The following RASA3 variants were observed in gnomAD, a reference collection of about 807,000 sequenced individuals.
RASA3 encodes the protein ras GTPase-activating protein 3.
A neutral mutation model predicts 110.0 loss-of-function variants in RASA3; 73 were observed. That is an observed-to-expected ratio of 0.66 (90% CI 0.55 to 0.81). The LOEUF (loss-of-function observed/expected upper bound fraction) is 0.81. RASA3 is among the 30% of genes least tolerant of loss of function. The pLI is 0.00. For synonymous variants in RASA3, 500 were observed against 451.4 expected, an observed-to-expected ratio of 1.11 and a Z score of -1.37; for missense variants, 976 against 1,113.2, an observed-to-expected ratio of 0.88 and a Z score of 1.75.
chr13:114,123,090 G>A (rs1270868949), intron 1 of RASA3, among the ~76,000 whole-genome samples: 3 of 152,224 alleles, frequency 2.0e-5, no homozygotes, highest in Admixed American at 6.5e-5. Flanking sequence ...CCTGCTGCCG[G>A]CATGGCTTTG....
chr13:114,070,384 A>G (rs546579348), intron 2 of RASA3, among the ~76,000 whole-genome samples: 4 of 152,210 alleles, frequency 2.6e-5, no homozygotes, highest in South Asian at 2.1e-4. Context: ...TGACTAATAC[A>G]GGACTCTGTT....
intron 18 of RASA3, among the ~76,000 whole-genome samples, chr13:114,003,256 G>C (rs2139181623): frequency 6.6e-6 from 1 of 152,278 alleles, no homozygotes; most frequent in African/African-American, 2.4e-5. Context: ...TGGTGCAGCT[G>C]CTGGAAGGAG....
At chr13:114,025,197 T>C (rs1163948797) in intron 7 of RASA3, among the ~76,000 whole-genome samples, 2 of 152,244 alleles carry the variant, frequency 1.3e-5, no homozygotes, top group Admixed American at 1.3e-4. Context: ...GATGTAAGGC[T>C]TGACACCAAA....
At chr13:114,015,050 C>T (rs1419266217) in intron 14 of RASA3, among the ~76,000 whole-genome samples, 159 bp downstream of exon 14, 1 of 152,114 alleles carries the variant, frequency 6.6e-6, no homozygotes, top group African/African-American at 2.4e-5. Context: ...GAACACTGGC[C>T]CGGGCACAAA....
At chr13:114,009,264 C>A (rs1365486446) in intron 17 of RASA3, 123 bp downstream of exon 17, 2 of 794,334 alleles carry the variant, frequency 2.5e-6, no homozygotes, top group African/African-American at 3.4e-5. Context: ...GCACCGAACG[C>A]CTTTATTGTT....
chr13:114,068,757 T>C (rs534835419), intron 2 of RASA3, among the ~76,000 whole-genome samples: 5 of 152,340 alleles, frequency 3.3e-5, no homozygotes, highest in East Asian at 1.9e-4. Context: ...CTAAAAGGTA[T>C]GGATTGTGAA....
At chr13:114,070,652 C>A (rs1053113948) in intron 2 of RASA3, among the ~76,000 whole-genome samples, 1 of 150,462 alleles carries the variant, frequency 6.6e-6, no homozygotes, top group Non-Finnish European at 1.5e-5. Flanking sequence ...CCACGCTAAA[C>A]GGCTCCACAG....
chr13:114,042,925 G>A (rs2054444747), intron 3 of RASA3, among the ~76,000 whole-genome samples: 1 of 152,208 alleles, frequency 6.6e-6, no homozygotes, highest in Non-Finnish European at 1.5e-5. Context: ...GGGCTGCAGG[G>A]AGAGGGAGCT....
rs1325877137 is a variant in RASA3 at position 114,112,401 on chromosome 13, G to C, written c.55+20034C>G. On this transcript the variant is annotated intron_variant, in intron 1 of 23. Transcript: ENST00000334062. The surrounding 1 kb of genome is among the most constrained non-coding windows in gnomAD (Gnocchi z 4.8). Reference sequence around the variant, plus strand: ...AGGAGCAGAAGCTCTGCGGGTGACTGTTTGGGAAGCTGGTCTGCTCCTGAT... The same window carrying C: ...AGGAGCAGAAGCTCTGCGGGTGACTCTTTGGGAAGCTGGTCTGCTCCTGAT... Among the ~76,000 whole-genome samples the C allele has an allele frequency of 6.6e-6, 1 of 152,120 alleles. No homozygotes were observed. The highest frequency in any genetic ancestry group is 6.5e-5 in the Admixed American group (1 of 15,272).
At chr13:114,066,931 C>T (rs1184070121) in intron 2 of RASA3, among the ~76,000 whole-genome samples, 1 of 136,806 alleles carries the variant, frequency 7.3e-6, no homozygotes, top group East Asian at 2.3e-4. Flanking sequence ...ATGGGCCCAA[C>T]CTGGGCTGAG....
chr13:114,010,543 A>T (rs1006568530), intron 16 of RASA3, among the ~76,000 whole-genome samples: 1 of 150,588 alleles, frequency 6.6e-6, no homozygotes, highest in Non-Finnish European at 1.5e-5. Context: ...AGGATGGAGG[A>T]CGGAGGTTCA....
At chr13:114,077,743 G>C in intron 1 of RASA3, 1 of 915,068 alleles carries the variant, frequency 1.1e-6, no homozygotes, top group Non-Finnish European at 1.3e-6. Flanking sequence ...ATGATGCCCA[G>C]TCCCCTGGCC....
Position 114,011,489 on chromosome 13 carries a change from G to A in RASA3, c.1513-241C>T, listed in dbSNP as rs781504997. Among the ~76,000 whole-genome samples the A allele has an allele frequency of 2.6e-5, 4 of 152,128 alleles. No individual in the cohort carries two copies. The highest frequency in any genetic ancestry group is 7.2e-5 in the African/African-American group (3 of 41,500). ...CGGCACCGCGGTGACCCACTCTCTC[G>A]GCCCAGCGTGCAGGGTGCATCTCAA... On this transcript the variant is annotated intron_variant, in intron 15 of 23. Transcript: ENST00000334062. The surrounding 1 kb of genome is among the most constrained non-coding windows in gnomAD (Gnocchi z 4.8).
intron 2 of RASA3, among the ~76,000 whole-genome samples, chr13:114,062,973 G>A (rs1483173830): frequency 1.3e-5 from 2 of 152,352 alleles, no homozygotes; most frequent in East Asian, 1.9e-4. Flanking sequence ...GCGACAGAAC[G>A]GGGACCCGTG....
intron 7 of RASA3, among the ~76,000 whole-genome samples, chr13:114,026,294 G>A (rs915417053): frequency 1.3e-5 from 2 of 152,154 alleles, no homozygotes; most frequent in African/African-American, 2.4e-5. Flanking sequence ...CCTGGAACTC[G>A]GTCCATGCTG....
At chr13:114,032,629 C>T (rs1048091988) in intron 4 of RASA3, among the ~76,000 whole-genome samples, 2 of 151,956 alleles carry the variant, frequency 1.3e-5, no homozygotes, top group African/African-American at 4.8e-5. Flanking sequence ...CACGGCACCC[C>T]CACACTTGAT....
intron 2 of RASA3, among the ~76,000 whole-genome samples, chr13:114,062,589 C>G (rs1261284136): frequency 6.6e-6 from 1 of 151,902 alleles, no homozygotes; most frequent in Non-Finnish European, 1.5e-5. Context: ...TGCTCACAGC[C>G]CACGTCCGCA....
intron 2 of RASA3, among the ~76,000 whole-genome samples, chr13:114,054,050 T>G (rs1373531443): frequency 6.6e-6 from 1 of 151,846 alleles, no homozygotes; most frequent in Non-Finnish European, 1.5e-5. Flanking sequence ...CGCTTGAACC[T>G]GGGAGGCAGA....
chr13:114,018,130 G>A lies in RASA3; in HGVS notation c.1065C>T (p.Ile355=), dbSNP rs766145704. The A allele has an allele frequency of 1.7e-5, 26 of 1,549,532 alleles. No individual in the cohort carries two copies. Among genetic ancestry groups the A allele is most frequent in the East Asian group, 2.4e-5 (1 of 40,896 alleles). Reference sequence around the variant, plus strand: ...GGGTCCGCTTCACCTCCGCGCTGGCGATGGCACTGATGAATGGCACCACCC... The same window carrying A: ...GGGTCCGCTTCACCTCCGCGCTGGCAATGGCACTGATGAATGGCACCACCC... ...YGRVVPFISA[I]ASAEVKRTQD... is the part of the protein sequence containing the mutation. Residue 355 remains isoleucine (I), a synonymous_variant, in exon 11 of 24, where the codon ATC becomes ATT. Coordinates refer to ENST00000334062, the MANE Select transcript of RASA3 (RefSeq NM_007368.4).
Sources: gnomAD v4.1 joint callset for allele counts (sites outside exome capture counted in the v4.1 genomes callset) on GRCh38, gnomAD v4.1.1 for gene constraint, Gnocchi (gnomAD v3.1) non-coding constraint, MANE v1.5 for transcripts, NCBI Gene and HGNC (gene_info 2026-07-23, HGNC 2026-07-21) for gene names.